Variants in LRP1B observed in about 807,000 individuals in gnomAD.
The protein encoded by LRP1B is low-density lipoprotein receptor-related protein 1B.
Under a neutral mutation model 556.6 loss-of-function variants are expected in LRP1B, and 217 were observed. That is an observed-to-expected ratio of 0.39 (90% CI 0.35 to 0.44). LRP1B has a LOEUF of 0.44. Ranked by LOEUF, LRP1B falls within the 20% of genes least tolerant of loss-of-function variation. The probability of loss-of-function intolerance (pLI) is 1.00; values close to 1 mark genes in which losing one functional copy is unlikely to be tolerated. For missense variants in LRP1B, 5,053 were observed against 5,620.8 expected, an observed-to-expected ratio of 0.90 and a Z score of 3.23; for synonymous variants, 2,047 against 1,865.8, an observed-to-expected ratio of 1.10 and a Z score of -2.50.
intron 1 of LRP1B, among the ~76,000 whole-genome samples, chr2:141,865,410 G>A (rs1330689683): frequency 1.3e-5 from 2 of 151,384 alleles, no homozygotes; most frequent in African/African-American, 4.9e-5. Context: ...GGCTAAAACG[G>A]TGAAACCCCG....
chr2:141,490,388 T>C (rs1473631614), intron 2 of LRP1B, among the ~76,000 whole-genome samples: 1 of 150,990 alleles, frequency 6.6e-6, no homozygotes, highest in Admixed American at 6.6e-5. Flanking sequence ...TGTGTGTGTG[T>C]GTGTGTGTGT....
intron 32 of LRP1B, among the ~76,000 whole-genome samples, chr2:140,795,513 G>A (rs1690272904): frequency 6.6e-6 from 1 of 152,046 alleles, no homozygotes; most frequent in Admixed American, 6.6e-5. Context: ...TGATACAGAT[G>A]TCTATTTCAA....
intron 43 of LRP1B, among the ~76,000 whole-genome samples, chr2:140,571,317 G>T (rs1198529364): frequency 2.0e-5 from 3 of 151,522 alleles, no homozygotes; most frequent in African/African-American, 7.3e-5. Context: ...TAATCTTGAA[G>T]AATAAAATGA....
rs567138211 is a variant in LRP1B at position 141,465,747 on chromosome 2, TC to T, written c.343+14648del. 2.6e-5 allele frequency among the ~76,000 whole-genome samples: 4 copies of T among 152,116 alleles called. No individual in the cohort carries two copies. In the South Asian group the frequency reaches 8.3e-4, roughly 32 times the overall value. On this transcript the variant is annotated intron_variant, in intron 3 of 90. Transcript: ENST00000389484. Reference sequence around the variant, plus strand: ...GTATTTTTTGTAGAGACAGGTTTTTTCCATGTTTTCCAGGTCTCGAACTCAT... The same window carrying T: ...GTATTTTTTGTAGAGACAGGTTTTTTCATGTTTTCCAGGTCTCGAACTCAT...
chr2:142,102,627 ATAAAAGT>A (rs1472966501), intron 1 of LRP1B, among the ~76,000 whole-genome samples: 8 of 151,940 alleles, frequency 5.3e-5, no homozygotes, highest in Non-Finnish European at 1.2e-4. Context: ...GCTACTGAAA[ATAAAAGT>A]TAGAATGCAA....
At chr2:140,755,626 C>T (rs887277662) in intron 35 of LRP1B, among the ~76,000 whole-genome samples, 2 of 151,850 alleles carry the variant, frequency 1.3e-5, no homozygotes, top group Non-Finnish European at 2.9e-5. Flanking sequence ...ATATACACTC[C>T]TTCATGATAA....
At chr2:141,235,503 G>T (rs1683618293) in intron 5 of LRP1B, among the ~76,000 whole-genome samples, 1 of 152,086 alleles carries the variant, frequency 6.6e-6, no homozygotes, top group South Asian at 2.1e-4. Context: ...TTCGGTCTCA[G>T]CCTTGCCTTA....
At chr2:142,028,292 A>G (rs1007568497) in intron 1 of LRP1B, among the ~76,000 whole-genome samples, 1 of 151,978 alleles carries the variant, frequency 6.6e-6, no homozygotes, top group Non-Finnish European at 1.5e-5. Context: ...GTCGTGTAAC[A>G]GTTCCATTAC....
intron 1 of LRP1B, among the ~76,000 whole-genome samples, chr2:142,128,200 T>C (rs764549779): frequency 1.3e-5 from 2 of 152,156 alleles, no homozygotes; most frequent in South Asian, 2.1e-4. Flanking sequence ...TTTGAACTTA[T>C]GAATGTATAA....
chr2:141,575,985 T>C (rs144882241), intron 2 of LRP1B, among the ~76,000 whole-genome samples: 1 of 152,270 alleles, frequency 6.6e-6, no homozygotes, highest in East Asian at 1.9e-4. Flanking sequence ...TTTTACACTG[T>C]TGGTGGGAAT....
intron 2 of LRP1B, among the ~76,000 whole-genome samples, chr2:141,655,959 CTGAG>C (rs1167890412): frequency 3.9e-5 from 6 of 152,070 alleles, no homozygotes; most frequent in African/African-American, 1.4e-4. Flanking sequence ...ATGGAACTTA[CTGAG>C]TGTCAGATAC....
intron 1 of LRP1B, among the ~76,000 whole-genome samples, chr2:142,071,668 C>T (rs888534871): frequency 2.6e-5 from 4 of 151,968 alleles, no homozygotes; most frequent in Admixed American, 6.6e-5. Flanking sequence ...AGAGACTGTA[C>T]GACCTGTAAA....
chr2:141,627,173 C>G (rs532774912), intron 2 of LRP1B, among the ~76,000 whole-genome samples: 26 of 152,220 alleles, frequency 1.7e-4, no homozygotes, highest in African/African-American at 5.8e-4. Flanking sequence ...GTGCATAATA[C>G]TAAATGGGGG....
At chr2:141,740,189 A>G (rs1034272399) in intron 2 of LRP1B, among the ~76,000 whole-genome samples, 2 of 152,112 alleles carry the variant, frequency 1.3e-5, no homozygotes, top group African/African-American at 2.4e-5. Flanking sequence ...ATTTTGTTAT[A>G]TTTTTATTTC....
intron 82 of LRP1B, among the ~76,000 whole-genome samples, chr2:140,315,653 G>T (rs1473364376): frequency 2.0e-5 from 3 of 152,076 alleles, no homozygotes; most frequent in Admixed American, 1.3e-4. Context: ...TTCCAACCAA[G>T]AAATCTTCCT....
chr2:140,421,086 T>C (rs1685421335), intron 66 of LRP1B, among the ~76,000 whole-genome samples: 2 of 152,066 alleles, frequency 1.3e-5, no homozygotes, highest in Admixed American at 1.3e-4. Context: ...TGAAATCCCA[T>C]ATCTGCTAAA....
chr2:141,403,633 T>A (rs1423674253), intron 3 of LRP1B, among the ~76,000 whole-genome samples: 3 of 152,180 alleles, frequency 2.0e-5, no homozygotes, highest in Non-Finnish European at 4.4e-5. Context: ...AACAGTTATA[T>A]TTTGACCTTA....
At chr2:141,458,630 C>T (rs1681729116) in intron 3 of LRP1B, among the ~76,000 whole-genome samples, 1 of 149,432 alleles carries the variant, frequency 6.7e-6, no homozygotes, top group African/African-American at 2.4e-5. Context: ...AATAGCATTT[C>T]GGATCCCTAT....
intron 41 of LRP1B, among the ~76,000 whole-genome samples, chr2:140,644,861 T>C (rs142088352): frequency 2.0e-5 from 3 of 152,320 alleles, no homozygotes; most frequent in Admixed American, 6.5e-5. Flanking sequence ...CCTTATTCAT[T>C]GGCCTTAGTA....
Sources: allele counts gnomAD v4.1 joint callset (sites outside exome capture counted in the v4.1 genomes callset), GRCh38; gene constraint gnomAD v4.1.1; transcripts MANE v1.5; gene names NCBI Gene and HGNC (gene_info 2026-07-23, HGNC 2026-07-21).